LOXHD1: variants seen among roughly 807,000 people sequenced by gnomAD.
The protein encoded by LOXHD1 is lipoxygenase homology domain-containing protein 1.
A neutral mutation model predicts 248.2 loss-of-function variants in LOXHD1; 205 were observed. The observed-to-expected ratio is 0.83, with a 90% confidence interval of 0.74 to 0.93. The LOEUF is 0.93. Among genes scored for constraint, LOXHD1 ranks in the 40% least tolerant of loss-of-function variants. The pLI is 0.00. For missense variants in LOXHD1, 2,930 were observed against 2,971.6 expected (o/e 0.99, Z 0.33); for synonymous variants, 1,113 against 1,162.8 (o/e 0.96, Z 0.87).
At chr18:46,502,250 G>C (rs1037697349) in intron 37 of LOXHD1, among the ~76,000 whole-genome samples, 3 of 152,148 alleles carry the variant, frequency 2.0e-5, no homozygotes, top group African/African-American at 7.2e-5. Context: ...TAGATGGTTT[G>C]GAAGGAAGGG....
At chr18:46,489,541 A>G (rs1568082431) in intron 37 of LOXHD1, among the ~76,000 whole-genome samples, 1 of 152,146 alleles carries the variant, frequency 6.6e-6, no homozygotes, top group Non-Finnish European at 1.5e-5. Flanking sequence ...ATGAAGGATG[A>G]CTTCTATCAC....
Position 46,591,609 on chromosome 18 carries a change from G to A in LOXHD1, c.1654+324C>T, listed in dbSNP as rs181533047. 1.1e-4 allele frequency among the ~76,000 whole-genome samples: 17 copies of A among 152,258 alleles called. No individual in the cohort carries two copies. In the Middle Eastern group the frequency reaches 0.01, roughly 91 times the overall value. On this transcript the variant is annotated intron_variant, in intron 12 of 40. Coordinates refer to ENST00000642948, the MANE Select transcript of LOXHD1 (RefSeq NM_001384474.1). ...GAACATTTCATGCACAATTTGAGGG[G>A]AGCAAGAGGATATTTCCTTTCAAGG...
At position 46,566,380 on chromosome 18, in the gene LOXHD1, T is replaced by A. The variant is rs1289895910; in HGVS notation, c.2314A>T (p.Ile772Phe). The A allele has an allele frequency of 9.7e-6, 15 of 1,551,544 alleles. No homozygotes were observed. Among genetic ancestry groups the A allele is most frequent in the Non-Finnish European group, 1.2e-5 (14 of 1,147,038 alleles). Residue 772 changes from isoleucine to phenylalanine, a missense_variant, in exon 17 of 41, where the codon ATC becomes TTC. Coordinates refer to ENST00000642948, the MANE Select transcript of LOXHD1 (RefSeq NM_001384474.1). The part of the protein sequence containing the change: ...HASWFLGSVQ[I>F]RVPRQGKQYT... Reference sequence around the variant, plus strand: ...TGCTTGCCTTGACGGGGCACACGGATCTGAACGCTGCCCAGGAACCAGCTG... The same window carrying A: ...TGCTTGCCTTGACGGGGCACACGGAACTGAACGCTGCCCAGGAACCAGCTG...
intron 37 of LOXHD1, among the ~76,000 whole-genome samples, chr18:46,493,119 C>A (rs2033601815): frequency 6.6e-6 from 1 of 152,194 alleles, no homozygotes; most frequent in Non-Finnish European, 1.5e-5. Flanking sequence ...TTACTCTGTT[C>A]CAACTACACT....
chr18:46,542,956 G>C, intron 23 of LOXHD1, 101 bp from the exon 24 acceptor site: 2 of 1,477,474 alleles, frequency 1.4e-6, no homozygotes, highest in Non-Finnish European at 9.2e-7. Context: ...CCAAATTTCT[G>C]AACTTCCACC....
chr18:46,636,333 G>A (rs1403675809), intron 4 of LOXHD1, among the ~76,000 whole-genome samples: 1 of 152,204 alleles, frequency 6.6e-6, no homozygotes, highest in Non-Finnish European at 1.5e-5. Flanking sequence ...CAGTCCTGGT[G>A]CCCCCCAGCT....
At chr18:46,620,511 C>T (rs1251272823) in intron 4 of LOXHD1, among the ~76,000 whole-genome samples, 3 of 152,178 alleles carry the variant, frequency 2.0e-5, no homozygotes, top group Admixed American at 6.5e-5. Context: ...TTCCAGAAGG[C>T]AGAATTCTAA....
At chr18:46,641,516 T>C (rs778872463) in intron 3 of LOXHD1, among the ~76,000 whole-genome samples, 31 of 152,220 alleles carry the variant, frequency 2.0e-4, no homozygotes, top group Non-Finnish European at 4.1e-4. Flanking sequence ...GTTTACTGTG[T>C]GCCAGTTACT....
intron 2 of LOXHD1, among the ~76,000 whole-genome samples, chr18:46,644,290 A>G (rs1228764695): frequency 6.6e-6 from 1 of 152,202 alleles, no homozygotes; most frequent in Non-Finnish European, 1.5e-5. Context: ...ATTTTTAGCC[A>G]AAGACAAGGT....
At chr18:46,520,681 A>G in intron 33 of LOXHD1, 1 of 242,770 alleles carries the variant, frequency 4.1e-6, no homozygotes, top group South Asian at 5.6e-5. Flanking sequence ...CATCTTTCCT[A>G]TCACCACTCT....
chr18:46,490,932 T>A (rs1012240552), intron 37 of LOXHD1, among the ~76,000 whole-genome samples: 1 of 152,232 alleles, frequency 6.6e-6, no homozygotes, highest in Non-Finnish European at 1.5e-5. Flanking sequence ...CAAGTGCGAC[T>A]GCTGGCTGTC....
At chr18:46,506,634 T>C (rs368837041) in intron 36 of LOXHD1, among the ~76,000 whole-genome samples, 1 of 152,214 alleles carries the variant, frequency 6.6e-6, no homozygotes, top group Non-Finnish European at 1.5e-5. Flanking sequence ...CTTGGAACTT[T>C]AAGCAATAGG....
rs370333852 is a variant in LOXHD1, at chr18:46,576,995, T to C, written c.1970+712A>G. On this transcript the variant is annotated intron_variant, in intron 14 of 40. Coordinates refer to ENST00000642948, the MANE Select transcript of LOXHD1 (RefSeq NM_001384474.1). ...TTGAGGAGCCCTGGACCAGCCCTAA[T>C]AAAGTGGACACATAGCAACTCATCT... Among the ~76,000 whole-genome samples the C allele has an allele frequency of 4.6e-5, 7 of 152,158 alleles. No individual in the cohort carries two copies. The East Asian group carries it at 1.3e-3, about 29-fold the overall frequency.
chr18:46,576,201 T>C (rs541088453), intron 14 of LOXHD1, among the ~76,000 whole-genome samples: 1 of 152,306 alleles, frequency 6.6e-6, no homozygotes, highest in Non-Finnish European at 1.5e-5. Flanking sequence ...GGTATAAATA[T>C]ATTTTGAGTA....
chr18:46,510,820 A>C (rs1598882575), intron 34 of LOXHD1, among the ~76,000 whole-genome samples: 2 of 152,180 alleles, frequency 1.3e-5, no homozygotes, highest in African/African-American at 4.8e-5. Flanking sequence ...AGAAGTAAAA[A>C]AGTTATCTCA....
rs191535201 is a variant in LOXHD1 at position 46,624,237 on chromosome 18, C to T, written c.512-5947G>A. The stretch of plus-strand genomic sequence containing the variant: ...CACCCTGACACCCCTCACTTCCGCT[C>T]ACTGAGAGCCAAGACGCTAGAAGTG... On this transcript the variant is annotated intron_variant, in intron 4 of 40. Coordinates refer to ENST00000642948, the MANE Select transcript of LOXHD1 (RefSeq NM_001384474.1). Among the ~76,000 whole-genome samples, 4 of 152,320 alleles carry T rather than the reference C, an allele frequency of 2.6e-5. No homozygotes were observed. In the East Asian group the frequency reaches 7.7e-4, roughly 29 times the overall value.
intron 14 of LOXHD1, among the ~76,000 whole-genome samples, chr18:46,572,826 A>G (rs1301546166): frequency 6.6e-6 from 1 of 151,950 alleles, no homozygotes; most frequent in Non-Finnish European, 1.5e-5. Context: ...GATGAAGACC[A>G]TCCTGGCTAA....
chr18:46,592,219 T>C (rs182934913), intron 11 of LOXHD1, among the ~76,000 whole-genome samples, 151 bp from the exon 12 acceptor site: 1 of 152,272 alleles, frequency 6.6e-6, no homozygotes, highest in Admixed American at 6.5e-5. Context: ...TTAGTATTTG[T>C]TCCTGGTTTC....
At position 46,656,947 on chromosome 18, in the gene LOXHD1, C is replaced by T. The variant is rs1487954570; in HGVS notation, c.87G>A (p.Glu29=). 8.4e-6 allele frequency: 13 copies of T among 1,551,642 alleles called. No individual in the cohort carries two copies. Among genetic ancestry groups the T allele is most frequent in the Non-Finnish European group, 1.1e-5 (13 of 1,146,938 alleles). ...YEAELLNYAS[E]DDEGELEHEY... The stretch of plus-strand genomic sequence containing the variant: ...CGTGTTCCAGCTCCCCCTCGTCGTC[C>T]TCCGAGGCGTAGTTCAGCAGCTCCG... The change falls in exon 1 of 41, where the codon GAG becomes GAA. Residue 29 remains glutamate, a synonymous_variant. Coordinates refer to ENST00000642948, the MANE Select transcript of LOXHD1 (RefSeq NM_001384474.1).
Sources: allele counts gnomAD v4.1 joint callset (sites outside exome capture counted in the v4.1 genomes callset), GRCh38; gene constraint gnomAD v4.1.1; transcripts MANE v1.5; gene names NCBI Gene and HGNC (gene_info 2026-07-23, HGNC 2026-07-21).